AR: variants seen among roughly 807,000 people sequenced by gnomAD.
The protein encoded by AR is androgen receptor, also known as dihydrotestosterone receptor.
Under a neutral mutation model 53.9 loss-of-function variants are expected in AR, and 8 were observed. That is an observed-to-expected ratio of 0.15 (90% CI 0.09 to 0.27). The LOEUF is 0.27. AR is among the 10% of genes least tolerant of loss of function. The pLI is 1.00. For synonymous variants in AR, 359 were observed against 316.4 expected (o/e 1.13, Z -1.43); for missense variants, 639 against 742.5 (o/e 0.86, Z 1.62).
At chrX:67,618,315 G>T (rs1924211824) in intron 1 of AR, among the ~76,000 whole-genome samples, 1 of 111,565 alleles carries the variant, frequency 9.0e-6, no homozygotes, top group African/African-American at 3.2e-5. Flanking sequence ...GGAAAAAAGA[G>T]AAGGTTTTCT....
intron 7 of AR, among the ~76,000 whole-genome samples, 171 bp from the exon 8 acceptor site, chrX:67,723,515 T>TAACACA (rs1286850331): frequency 8.9e-5 from 2 of 22,597 alleles, no homozygotes; most frequent in Admixed American, 9.9e-4. Context: ...TCGCTGTCTC[T>TAACACA]CTCTAACACA....
intron 2 of AR, among the ~76,000 whole-genome samples, chrX:67,649,267 T>C (rs1926214654): frequency 8.9e-6 from 1 of 112,565 alleles, no homozygotes; most frequent in South Asian, 3.6e-4. Context: ...CTTTATCCAG[T>C]ATATCATTGA....
chrX:67,655,494 C>T (rs1195777474), intron 2 of AR, among the ~76,000 whole-genome samples: 1 of 110,685 alleles, frequency 9.0e-6, no homozygotes, highest in Non-Finnish European at 1.9e-5. Flanking sequence ...AATTATTGTT[C>T]CATGGGAGCA....
In AR at chrX:67,684,874, T is replaced by C. The variant is rs989446484; in HGVS notation, c.1769-1136T>C. Among the ~76,000 whole-genome samples the C allele has an allele frequency of 4.5e-5, 5 of 111,455 alleles. No homozygotes were observed. In the Admixed American group the frequency reaches 4.8e-4, roughly 11 times the overall value. The stretch of plus-strand genomic sequence containing the variant: ...GTTAAATTTATGTTTTTAGTTGTTT[T>C]TTTTTCTACTCTCAAATATCAATCA... On this transcript the variant is annotated intron_variant, in intron 2 of 7. Coordinates refer to ENST00000374690, the MANE Select transcript of AR (RefSeq NM_000044.6).
At chrX:67,697,522 C>T (rs2076025852) in intron 3 of AR, among the ~76,000 whole-genome samples, 1 of 111,238 alleles carries the variant, frequency 9.0e-6, no homozygotes, top group Non-Finnish European at 1.9e-5. Context: ...AGACCAGTTG[C>T]CCAACATGGA....
intron 1 of AR, chrX:67,568,905 G>T: frequency 8.3e-7 from 1 of 1,206,925 alleles, no homozygotes; most frequent in Non-Finnish European, 1.1e-6. Flanking sequence ...GCAAATGCCT[G>T]CCTGAAGCTG....
chrX:67,672,048 A>G (rs984513260), intron 2 of AR, among the ~76,000 whole-genome samples: 1 of 111,162 alleles, frequency 9.0e-6, no homozygotes, highest in Admixed American at 9.6e-5. Flanking sequence ...TGGTTTTCAA[A>G]GGGAATGCTT....
chrX:67,677,451 G>A (rs1382950150), intron 2 of AR, among the ~76,000 whole-genome samples: 1 of 111,514 alleles, frequency 9.0e-6, no homozygotes, highest in Non-Finnish European at 1.9e-5. Context: ...ATCTAACGAG[G>A]GAGATAACCA....
chrX:67,619,584 A>G (rs1297877831), intron 1 of AR, among the ~76,000 whole-genome samples: 2 of 111,051 alleles, frequency 1.8e-5, no homozygotes, highest in Non-Finnish European at 3.8e-5. Flanking sequence ...GAAGCCATCA[A>G]TTGCTGTATG....
In AR at chrX:67,563,923, G is replaced by A. The variant is rs756995342; in HGVS notation, c.1616+17161G>A. On this transcript the variant is annotated intron_variant, in intron 1 of 7. Transcript: ENST00000374690. ...ACTAGTAACTCCGTTGCACATATTG[G>A]CACCCTTCCCCCAACAAAATTACTG... 1.9e-4 allele frequency among the ~76,000 whole-genome samples: 21 copies of A among 111,366 alleles called. No individual in the cohort carries two copies. In the South Asian group the frequency reaches 8.1e-3, roughly 43 times the overall value.
intron 2 of AR, among the ~76,000 whole-genome samples, chrX:67,657,323 GC>G (rs1381164397): frequency 1.8e-5 from 2 of 110,583 alleles, no homozygotes; most frequent in Non-Finnish European, 3.8e-5. Context: ...TGCCTCAGGT[GC>G]TTTTTCTCCA....
At chrX:67,584,641 C>T (rs1922446275) in intron 1 of AR, among the ~76,000 whole-genome samples, 1 of 112,135 alleles carries the variant, frequency 8.9e-6, no homozygotes. Flanking sequence ...TCAGATGGTC[C>T]TCTTCGTTGG....
chrX:67,574,939 A>G (rs1921983073), intron 1 of AR, among the ~76,000 whole-genome samples: 1 of 111,891 alleles, frequency 8.9e-6, no homozygotes, highest in Admixed American at 9.5e-5. Flanking sequence ...GAAACCACAA[A>G]GATAAACCCA....
intron 1 of AR, among the ~76,000 whole-genome samples, chrX:67,625,783 A>G (rs931961632): frequency 1.8e-4 from 20 of 112,026 alleles, no homozygotes; most frequent in Non-Finnish European, 3.8e-4. Flanking sequence ...TCTAAATGCT[A>G]TAGAGCTAAG....
chrX:67,677,470 A>G (rs2075907093), intron 2 of AR, among the ~76,000 whole-genome samples: 1 of 112,009 alleles, frequency 8.9e-6, no homozygotes, highest in South Asian at 3.7e-4. Flanking sequence ...CACTCTTTCA[A>G]TTTATAGTGA....
intron 3 of AR, among the ~76,000 whole-genome samples, chrX:67,706,391 G>A (rs1307360524): frequency 3.6e-5 from 4 of 111,613 alleles, no homozygotes; most frequent in Admixed American, 1.9e-4. Flanking sequence ...TGTATGTGTC[G>A]AGGAATTTAT....
chrX:67,656,831 T>G (rs1430503506), intron 2 of AR, among the ~76,000 whole-genome samples: 2 of 109,725 alleles, frequency 1.8e-5, no homozygotes, highest in Admixed American at 2.0e-4. Flanking sequence ...GCAGGTATAT[T>G]GCAGCCCTTC....
At chrX:67,723,358 G>GTGTC (rs1223492094) in intron 7 of AR, among the ~76,000 whole-genome samples, 1 of 99,659 alleles carries the variant, frequency 1.0e-5, no homozygotes, top group African/African-American at 4.0e-5. Context: ...GTGTGTCAGA[G>GTGTC]AGAGAGAGAG....
chrX:67,651,399 G>T (rs192911894), intron 2 of AR, among the ~76,000 whole-genome samples: 3 of 110,477 alleles, frequency 2.7e-5, no homozygotes, highest in African/African-American at 6.6e-5. Context: ...TTTGAACTTC[G>T]CAACTTTCTT....
Sources: gnomAD v4.1 joint callset for allele counts (sites outside exome capture counted in the v4.1 genomes callset) on GRCh38, gnomAD v4.1.1 for gene constraint, MANE v1.5 for transcripts, NCBI Gene and HGNC (gene_info 2026-07-23, HGNC 2026-07-21) for gene names.